The following ARNT2 variants were observed in gnomAD, a reference collection of about 807,000 sequenced individuals.
The protein encoded by ARNT2 is ARNT protein 2.
Under a neutral mutation model 91.7 loss-of-function variants are expected in ARNT2, and 36 were observed. That is an observed-to-expected ratio of 0.39 (90% CI 0.30 to 0.52). The LOEUF (loss-of-function observed/expected upper bound fraction) is 0.52. Ranked by LOEUF, ARNT2 falls within the 20% of genes least tolerant of loss-of-function variation. The pLI is 0.72. For synonymous variants in ARNT2, 365 were observed against 347.1 expected, an observed-to-expected ratio of 1.05 and a Z score of -0.57; for missense variants, 775 against 939.3, an observed-to-expected ratio of 0.83 and a Z score of 2.29.
intron 5 of ARNT2, 108 bp from the exon 6 acceptor site, chr15:80,508,048 A>T: frequency 9.8e-7 from 1 of 1,017,118 alleles, no homozygotes; most frequent in Non-Finnish European, 1.5e-6. Context: ...GCACAGCCAC[A>T]CTTGTCCTCA....
At chr15:80,459,124 G>A (rs899092342) in intron 3 of ARNT2, among the ~76,000 whole-genome samples, 2 of 152,182 alleles carry the variant, frequency 1.3e-5, no homozygotes, top group Admixed American at 1.3e-4. Context: ...GAGTCTCCAA[G>A]TCCATAGTAA....
Position 80,591,743 on chromosome 15 carries a change from G to C in ARNT2, c.2055+39G>C, listed in dbSNP as rs368539766. 40 of 1,609,824 alleles carry C rather than the reference G, an allele frequency of 2.5e-5. No individual in the cohort carries two copies. The highest frequency in any genetic ancestry group is 3.3e-5 in the Non-Finnish European group (39 of 1,176,758). ...GCACCGCCTTCTCGTAGGTACCGGC[G>C]CCTTCTCTCTGCTTCCTTTCCCCCT... On this transcript the variant is annotated intron_variant, in intron 18 of 18. Coordinates refer to ENST00000303329, the MANE Select transcript of ARNT2 (RefSeq NM_014862.4). This position sits in a 1 kb window ranked among gnomAD's most constrained non-coding sequence, Gnocchi z 5.1.
At position 80,580,567 on chromosome 15, in the gene ARNT2, G is replaced by T; in HGVS notation, c.1752+18G>T. The T allele has an allele frequency of 6.2e-7, 1 of 1,613,478 alleles. No individual in the cohort carries two copies. The highest frequency in any genetic ancestry group is 8.5e-7 in the Non-Finnish European group (1 of 1,180,006). ...CGGGACAGGTATGGGCATCTGTGAGGGCATCTCCCCTGGGTGACCAGAGAG... is the reference window on the plus strand; with the variant it reads ...CGGGACAGGTATGGGCATCTGTGAGTGCATCTCCCCTGGGTGACCAGAGAG... On this transcript the variant is annotated intron_variant, in intron 16 of 18. Transcript: ENST00000303329.
At chr15:80,483,240 C>G (rs1421912103) in intron 5 of ARNT2, among the ~76,000 whole-genome samples, 1 of 152,238 alleles carries the variant, frequency 6.6e-6, no homozygotes, top group Non-Finnish European at 1.5e-5. Flanking sequence ...TCCCGAGGAA[C>G]TTATATACTT....
chr15:80,499,662 C>CAT (rs2141417403), intron 5 of ARNT2, among the ~76,000 whole-genome samples: 2 of 152,318 alleles, frequency 1.3e-5, no homozygotes, highest in East Asian at 3.9e-4. Context: ...ATGGAGGACT[C>CAT]TGATTGGCCT....
At chr15:80,593,310 AGT>A (rs561503834) in intron 18 of ARNT2, among the ~76,000 whole-genome samples, 22 of 152,336 alleles carry the variant, frequency 1.4e-4, no homozygotes, top group Non-Finnish European at 2.6e-4. Context: ...TCTCCCCGCC[AGT>A]GGGGTTCTCG....
intron 2 of ARNT2, among the ~76,000 whole-genome samples, chr15:80,456,655 G>C (rs1896485807): frequency 6.6e-6 from 1 of 152,200 alleles, no homozygotes; most frequent in South Asian, 2.1e-4. Context: ...GCCCATGCAA[G>C]GATGGCTCGC....
intron 5 of ARNT2, among the ~76,000 whole-genome samples, chr15:80,480,579 C>G (rs1258584589): frequency 6.6e-6 from 1 of 152,142 alleles, no homozygotes; most frequent in Non-Finnish European, 1.5e-5. Flanking sequence ...GTCGATTTGG[C>G]CTGTTTCCCC....
At chr15:80,415,558 A>T (rs1895767231) in intron 1 of ARNT2, among the ~76,000 whole-genome samples, 1 of 152,186 alleles carries the variant, frequency 6.6e-6, no homozygotes, top group Non-Finnish European at 1.5e-5. Flanking sequence ...GGAATGAAGG[A>T]CATTCTTATT....
chr15:80,514,701 A>C (rs973378968), intron 8 of ARNT2, among the ~76,000 whole-genome samples: 2 of 152,184 alleles, frequency 1.3e-5, no homozygotes, highest in African/African-American at 4.8e-5. Context: ...CCTGGCTAAC[A>C]CAGTGAAATC....
At chr15:80,487,660 A>C (rs1896998015) in intron 5 of ARNT2, 1 of 152,212 alleles carries the variant, frequency 6.6e-6, no homozygotes, top group Admixed American at 6.5e-5. Context: ...CTTCCTTTAT[A>C]ATCGGACCCT....
chr15:80,428,529 A>C (rs1030375899), intron 1 of ARNT2, among the ~76,000 whole-genome samples: 21 of 152,178 alleles, frequency 1.4e-4, no homozygotes, highest in African/African-American at 4.3e-4. Flanking sequence ...GTCCACTGAA[A>C]TGTGCTCAGT....
chr15:80,543,084 C>T, intron 8 of ARNT2, among the ~76,000 whole-genome samples: 1 of 121,324 alleles, frequency 8.2e-6, no homozygotes, highest in African/African-American at 3.3e-5. Flanking sequence ...ATAACAGAGC[C>T]AGACCCGGTC....
At chr15:80,528,244 G>A (rs1897671709) in intron 8 of ARNT2, among the ~76,000 whole-genome samples, 1 of 152,138 alleles carries the variant, frequency 6.6e-6, no homozygotes, top group African/African-American at 2.4e-5. Context: ...CACACTCAGG[G>A]AGGCTGATTC....
At chr15:80,536,574 C>T (rs1175527780) in intron 8 of ARNT2, among the ~76,000 whole-genome samples, 1 of 152,184 alleles carries the variant, frequency 6.6e-6, no homozygotes, top group African/African-American at 2.4e-5. Context: ...ATGTCTGCAG[C>T]TCAATTTTAC....
intron 14 of ARNT2, 56 bp downstream of exon 14, chr15:80,575,166 G>A (rs1898651785): frequency 1.3e-6 from 2 of 1,597,814 alleles, no homozygotes; most frequent in African/African-American, 1.3e-5. Flanking sequence ...GTTGCTTTCA[G>A]GCCATCTACA....
At chr15:80,525,840 G>T (rs1467263559) in intron 8 of ARNT2, among the ~76,000 whole-genome samples, 2 of 152,192 alleles carry the variant, frequency 1.3e-5, no homozygotes, top group Non-Finnish European at 2.9e-5. Context: ...CATGGGGAAT[G>T]CTGCCCTTGC....
chr15:80,532,680 T>C lies in ARNT2; in HGVS notation c.877+18275T>C, dbSNP rs149040175. Among the ~76,000 whole-genome samples, 1,378 of 152,328 alleles carry C rather than the reference T, an allele frequency of 9.0e-3. 6 individuals carry two copies. The highest frequency in any genetic ancestry group is 0.014 in the Non-Finnish European group (944 of 68,030). On this transcript the variant is annotated intron_variant, in intron 8 of 18. Coordinates refer to ENST00000303329, the MANE Select transcript of ARNT2 (RefSeq NM_014862.4). Reference sequence around the variant, plus strand: ...CCGTCTGTAGCAGAAAGTTATTTTATTCTTCTATCAAAAATATTTGCCTTT... The same window carrying C: ...CCGTCTGTAGCAGAAAGTTATTTTACTCTTCTATCAAAAATATTTGCCTTT...
At chr15:80,459,534 T>C (rs1401545884) in intron 3 of ARNT2, among the ~76,000 whole-genome samples, 6 of 152,128 alleles carry the variant, frequency 3.9e-5, no homozygotes, top group Non-Finnish European at 2.9e-5. Context: ...CCTTAGGAAA[T>C]GATGATTCCT....
Sources: gnomAD v4.1 joint callset for allele counts (sites outside exome capture counted in the v4.1 genomes callset) on GRCh38, gnomAD v4.1.1 for gene constraint, Gnocchi (gnomAD v3.1) non-coding constraint, MANE v1.5 for transcripts, NCBI Gene and HGNC (gene_info 2026-07-23, HGNC 2026-07-21) for gene names.